The following SVOPL variants were observed in gnomAD, a reference collection of about 807,000 sequenced individuals.
SVOPL encodes putative transporter SVOPL.
In SVOPL, 60 loss-of-function variants were observed where a neutral mutation model predicts 61.0. That is an observed-to-expected ratio of 0.98 (90% CI 0.80 to 1.22). The LOEUF (loss-of-function observed/expected upper bound fraction) is 1.22, where lower values mean the gene tolerates loss of function less well. Ranked by LOEUF, SVOPL falls within the 50% of genes most tolerant of loss-of-function variation. The pLI, the probability that SVOPL is intolerant of heterozygous loss-of-function variation, is 0.00. For missense variants in SVOPL, 662 were observed against 643.9 expected, an observed-to-expected ratio of 1.03 and a Z score of -0.30; for synonymous variants, 279 against 250.0, an observed-to-expected ratio of 1.12 and a Z score of -1.09.
At chr7:138,613,398 A>G (rs962021352) in intron 14 of SVOPL, among the ~76,000 whole-genome samples, 4 of 152,090 alleles carry the variant, frequency 2.6e-5, no homozygotes, top group African/African-American at 9.7e-5. Context: ...CACTGCTCCT[A>G]AGGTAAAAAT....
intron 1 of SVOPL, among the ~76,000 whole-genome samples, chr7:138,687,595 C>A (rs1431291698): frequency 1.3e-5 from 2 of 150,934 alleles, no homozygotes; most frequent in East Asian, 3.9e-4. Flanking sequence ...TACTCTCTTG[C>A]CCAGGCTGGA....
intron 4 of SVOPL, among the ~76,000 whole-genome samples, chr7:138,666,736 C>T (rs1001576242): frequency 6.6e-6 from 1 of 152,188 alleles, no homozygotes; most frequent in Non-Finnish European, 1.5e-5. Context: ...CCAAATTCCA[C>T]CTCATTTTAA....
intron 15 of SVOPL, among the ~76,000 whole-genome samples, chr7:138,595,134 A>T (rs1223508222): frequency 6.6e-6 from 1 of 152,196 alleles, no homozygotes; most frequent in Non-Finnish European, 1.5e-5. Flanking sequence ...AGTAGTTGTA[A>T]CACAGAATCA....
chr7:138,661,057 C>T lies in SVOPL; in HGVS notation c.346-1069G>A, dbSNP rs1002492067. The T allele has an allele frequency of 2.1e-5, 21 of 984,568 alleles. No homozygotes were observed. The Admixed American group carries it at 2.5e-4, about 12-fold the overall frequency. 61.0% of individuals were successfully genotyped at this position (984,568 alleles called of 1,614,324 possible). On this transcript the variant is annotated intron_variant, in intron 5 of 15. Coordinates refer to ENST00000674285, the MANE Select transcript of SVOPL (RefSeq NM_001139456.2). ...TGCCTTTTTGTGCTTTTTTGAGATA[C>T]TCGTGTTTTCAAATTTACAAGAATC...
At chr7:138,630,212 T>C in intron 9 of SVOPL, 90 bp from the exon 10 acceptor site, 4 of 1,108,938 alleles carry the variant, frequency 3.6e-6, no homozygotes, top group Non-Finnish European at 5.5e-6. Context: ...AAGATGAGAA[T>C]CATATTGGAG....
intron 14 of SVOPL, among the ~76,000 whole-genome samples, chr7:138,598,939 A>T (rs1459656784): frequency 6.6e-6 from 1 of 152,108 alleles, no homozygotes; most frequent in Non-Finnish European, 1.5e-5. Context: ...TTAAAATCCC[A>T]GCAGGATTTT....
intron 3 of SVOPL, among the ~76,000 whole-genome samples, chr7:138,677,390 C>A (rs1295563480): frequency 6.6e-6 from 1 of 152,154 alleles, no homozygotes; most frequent in East Asian, 1.9e-4. Flanking sequence ...TCATGCCCTA[C>A]AAACCATAAA....
At position 138,649,457 on chromosome 7, in the gene SVOPL, C is replaced by A. The variant is rs536547151; in HGVS notation, c.535-320G>T. Among the ~76,000 whole-genome samples, 10 of 152,096 alleles carry A rather than the reference C, an allele frequency of 6.6e-5. No individual in the cohort carries two copies. The East Asian group carries it at 2.0e-3, about 30-fold the overall frequency. On this transcript the variant is annotated intron_variant, in intron 7 of 15. Transcript: ENST00000674285. ...TATAGGCATGTGCCACCACGCCCAG[C>A]TCATTTTTTTTGTATTTTTAGTAGA...
chr7:138,639,856 C>T (rs1169460439), intron 9 of SVOPL, among the ~76,000 whole-genome samples: 2 of 151,982 alleles, frequency 1.3e-5, no homozygotes, highest in East Asian at 3.9e-4. Context: ...TCAAGCAACC[C>T]TCCTGCCTCA....
chr7:138,620,140 T>TTTTTTTG (rs1799494177), intron 14 of SVOPL, among the ~76,000 whole-genome samples: 1 of 142,056 alleles, frequency 7.0e-6, no homozygotes, highest in African/African-American at 2.7e-5. Context: ...TTTTTTTTTT[T>TTTTTTTG]GAGATAGAGT....
At position 138,649,149 on chromosome 7, in the gene SVOPL, G is replaced by C. The variant is rs1293900492; in HGVS notation, c.535-12C>G. The C allele has an allele frequency of 1.9e-6, 3 of 1,597,578 alleles. No homozygotes were observed. The highest frequency in any genetic ancestry group is 1.7e-6 in the Non-Finnish European group (2 of 1,172,182). ...GCAAGCCAGAACACCTAGGAAGAGA[G>C]AAGTCCAGGATTAAAGTTCTTTGGG... On this transcript the variant is annotated splice_polypyrimidine_tract_variant and intron_variant, in intron 7 of 15. Coordinates refer to ENST00000674285, the MANE Select transcript of SVOPL (RefSeq NM_001139456.2).
chr7:138,698,771 G>C (rs1475848261), intron 1 of SVOPL, among the ~76,000 whole-genome samples: 1 of 152,134 alleles, frequency 6.6e-6, no homozygotes, highest in East Asian at 1.9e-4. Context: ...CCTCATGGTA[G>C]TACTGTCTCT....
In SVOPL at chr7:138,684,258, G is replaced by C. The variant is rs372358454; in HGVS notation, c.-34-5179C>G. On this transcript the variant is annotated intron_variant, in intron 1 of 15. Transcript: ENST00000674285. Reference sequence around the variant, plus strand: ...TGGGTGCCTGTAATCCCAGCTACTCGGGAGGCTGAGGCGGGAGAATCACTT... The same window carrying C: ...TGGGTGCCTGTAATCCCAGCTACTCCGGAGGCTGAGGCGGGAGAATCACTT... Among the ~76,000 whole-genome samples, 5 of 151,878 alleles carry C rather than the reference G, an allele frequency of 3.3e-5. No homozygotes were observed. In the East Asian group the frequency reaches 9.7e-4, roughly 29 times the overall value.
At chr7:138,623,619 C>A (rs147247833) in intron 13 of SVOPL, among the ~76,000 whole-genome samples, 69 of 152,024 alleles carry the variant, frequency 4.5e-4, no homozygotes, top group African/African-American at 1.5e-3. Flanking sequence ...AAAATAAAAT[C>A]AAATAAAATA....
At chr7:138,641,072 G>T (rs147371870) in intron 9 of SVOPL, among the ~76,000 whole-genome samples, 2 of 151,848 alleles carry the variant, frequency 1.3e-5, no homozygotes, top group Non-Finnish European at 2.9e-5. Context: ...GTATGATGGC[G>T]CACACCTATG....
Position 138,649,066 on chromosome 7 carries a change from G to C in SVOPL, c.606C>G (p.Arg202=). ...ASVIIPTIGW[R]WLIRVASIPG... ...GGATGGAGGCGACGCGAATGAGCCA[G>C]CGCCACCCGATGGTGGGGATGATCA... is the stretch of plus-strand genomic sequence containing the variant. Residue 202 remains arginine (R), a synonymous_variant, in exon 8 of 16, where the codon CGC becomes CGG. Coordinates refer to ENST00000674285, the MANE Select transcript of SVOPL (RefSeq NM_001139456.2). 6.2e-7 allele frequency: 1 copy of C among 1,613,988 alleles called. No individual in the cohort carries two copies. The highest frequency in any genetic ancestry group is 8.5e-7 in the Non-Finnish European group (1 of 1,179,986).
At chr7:138,637,003 CCTTTT>C (rs1435603276) in intron 9 of SVOPL, among the ~76,000 whole-genome samples, 1 of 152,106 alleles carries the variant, frequency 6.6e-6, no homozygotes, top group Non-Finnish European at 1.5e-5. Context: ...ACCTGTCTAT[CCTTTT>C]CTTGACAACT....
Position 138,656,313 on chromosome 7 carries a change from G to A in SVOPL, c.534+135C>T, listed in dbSNP as rs548326960. On this transcript the variant is annotated intron_variant, in intron 7 of 15. Transcript: ENST00000674285. ...TGCACTGAGAAACCAAAAAGGTTGT[G>A]TGACTCACTTTATTCTGATACTCGC... 74 of 858,358 alleles carry A rather than the reference G, an allele frequency of 8.6e-5. No individual in the cohort carries two copies. In the African/African-American group the frequency reaches 1.1e-3, roughly 13 times the overall value. The allele number at this position is 858,358 out of a possible 1,614,324, so 53.2% of individuals were successfully genotyped here.
rs1464408477 is a variant in SVOPL, at chr7:138,648,755, C to A, written c.660+257G>T. Among the ~76,000 whole-genome samples, 2 of 150,024 alleles carry A rather than the reference C, an allele frequency of 1.3e-5. 1 individual carries two copies. The highest frequency in any genetic ancestry group is 4.0e-4 in the East Asian group (2 of 5,044). The stretch of plus-strand genomic sequence containing the variant: ...CACTGCACTCCAGCCTGGGGAGACT[C>A]CATCTCAAAAAAAAAAATTAGCTGG... On this transcript the variant is annotated intron_variant, in intron 8 of 15. Transcript: ENST00000674285.
Sources: allele counts gnomAD v4.1 joint callset (sites outside exome capture counted in the v4.1 genomes callset), GRCh38; gene constraint gnomAD v4.1.1; transcripts MANE v1.5; gene names NCBI Gene and HGNC (gene_info 2026-07-23, HGNC 2026-07-21).